Variants in ATP5F1C observed in about 807,000 individuals in gnomAD.
ATP5F1C encodes the protein ATP synthase F(1) complex subunit gamma, mitochondrial.
In ATP5F1C, 22 loss-of-function variants were observed where a neutral mutation model predicts 37.4. The observed-to-expected ratio is 0.59, with a 90% CI of 0.42 to 0.84. The LOEUF (loss-of-function observed/expected upper bound fraction) is 0.84. ATP5F1C is among the 40% of genes least tolerant of loss of function. The pLI, the probability that ATP5F1C is intolerant of heterozygous loss-of-function variation, is 0.00. For synonymous variants in ATP5F1C, 121 were observed against 128.0 expected (o/e 0.95, Z 0.37); for missense variants, 286 against 362.4 (o/e 0.79, Z 1.71).
At chr10:7,791,759 C>T (rs1836168005) in intron 1 of ATP5F1C, among the ~76,000 whole-genome samples, 1 of 152,214 alleles carries the variant, frequency 6.6e-6, no homozygotes, top group South Asian at 2.1e-4. Context: ...CATCACTGTT[C>T]TTACTCAAAT....
At chr10:7,792,322 C>T (rs1489950938) in intron 1 of ATP5F1C, among the ~76,000 whole-genome samples, 4 of 152,166 alleles carry the variant, frequency 2.6e-5, no homozygotes, top group Non-Finnish European at 5.9e-5. Flanking sequence ...GAAGTTGAGA[C>T]TGCAGGAAGC....
At chr10:7,793,476 T>G (rs1836193618) in intron 1 of ATP5F1C, among the ~76,000 whole-genome samples, 1 of 152,206 alleles carries the variant, frequency 6.6e-6, no homozygotes, top group Non-Finnish European at 1.5e-5. Flanking sequence ...TTATTTGGGT[T>G]GTTTGTTCTC....
intron 2 of ATP5F1C, 109 bp downstream of exon 2, chr10:7,796,264 C>T: frequency 1.1e-6 from 1 of 940,082 alleles, no homozygotes. Flanking sequence ...TTGATCAAAA[C>T]TGACCAAATG....
rs768165129 is a variant in ATP5F1C at position 7,799,082 on chromosome 10, A to G, written c.316A>G (p.Ile106Val). The G allele has an allele frequency of 6.2e-7, 1 of 1,613,598 alleles. No homozygotes were observed. Among genetic ancestry groups the G allele is most frequent in the Non-Finnish European group, 8.5e-7 (1 of 1,179,888 alleles). Residue 106 changes from isoleucine (I) to valine (V), a missense_variant, in exon 4 of 10, where the codon ATT becomes GTT. Coordinates refer to ENST00000356708, the MANE Select transcript of ATP5F1C (RefSeq NM_001001973.3). The stretch of plus-strand genomic sequence containing the variant: ...CTCAGATCGAGGACTGTGTGGTGCT[A>G]TTCATTCCTCCATTGCTAAACAGAT... ...VSSDRGLCGA[I>V]HSSIAKQMKS...
intron 8 of ATP5F1C, among the ~76,000 whole-genome samples, chr10:7,805,416 C>T (rs1836455108): frequency 6.6e-6 from 1 of 152,124 alleles, no homozygotes; most frequent in Non-Finnish European, 1.5e-5. Flanking sequence ...GATACAACTT[C>T]TGCAAAATTG....
chr10:7,798,447 C>T (rs893689392), intron 3 of ATP5F1C, among the ~76,000 whole-genome samples: 3 of 151,858 alleles, frequency 2.0e-5, no homozygotes, highest in African/African-American at 7.3e-5. Flanking sequence ...AGCTCTGTCT[C>T]CCGGGATGGA....
chr10:7,802,609 G>C (rs991761550), intron 7 of ATP5F1C, 149 bp from the exon 8 acceptor site: 10 of 1,076,320 alleles, frequency 9.3e-6, no homozygotes, highest in African/African-American at 1.6e-5. Flanking sequence ...TCCTATGGAA[G>C]ATGTAAAAAT....
chr10:7,807,086 T>C, intron 9 of ATP5F1C, 76 bp downstream of exon 9: 1 of 1,406,692 alleles, frequency 7.1e-7, no homozygotes. Flanking sequence ...AATTTAGTAA[T>C]CCTAGAATTG....
Position 7,807,679 on chromosome 10 carries a change from C to G in ATP5F1C, c.*51C>G, listed in dbSNP as rs773658919. 11 of 1,606,114 alleles carry G rather than the reference C, an allele frequency of 6.8e-6. No individual in the cohort carries two copies. Among genetic ancestry groups the G allele is most frequent in the Non-Finnish European group, 9.4e-6 (11 of 1,175,710 alleles). ...TTCAGGTAAAGAAGGAAAATTCAGC[C>G]AGTTGATTTTGTTTTTAGCTTACTG... is the stretch of plus-strand genomic sequence containing the variant. On this transcript the variant is annotated 3_prime_UTR_variant, in exon 10 of 10. Coordinates refer to ENST00000356708, the MANE Select transcript of ATP5F1C (RefSeq NM_001001973.3).
In ATP5F1C at chr10:7,807,024, A is replaced by G. The variant is rs777761249; in HGVS notation, c.*30+14A>G. ...CTCAGACAAGAGGTAAAGTTCACAC[A>G]TTCTTCCCATGTCTGTTCAGAAAAG... On this transcript the variant is annotated intron_variant, in intron 9 of 9. Transcript: ENST00000356708. 8 of 1,604,700 alleles carry G rather than the reference A, an allele frequency of 5.0e-6. No individual in the cohort carries two copies. The South Asian group carries it at 8.8e-5, about 18-fold the overall frequency.
chr10:7,803,955 A>G (rs1031887565), intron 8 of ATP5F1C, among the ~76,000 whole-genome samples: 3 of 152,154 alleles, frequency 2.0e-5, no homozygotes, highest in Non-Finnish European at 4.4e-5. Flanking sequence ...TCCTGGGTTC[A>G]AAAAGGTAAT....
chr10:7,796,487 C>A, intron 2 of ATP5F1C: 1 of 192,362 alleles, frequency 5.2e-6, no homozygotes, highest in Admixed American at 5.8e-5. Context: ...AGGCAACTTT[C>A]AATACCATTT....
intron 1 of ATP5F1C, among the ~76,000 whole-genome samples, chr10:7,791,102 C>A (rs1362206897): frequency 6.6e-6 from 1 of 152,058 alleles, no homozygotes; most frequent in Non-Finnish European, 1.5e-5. Flanking sequence ...GAGATCAAGA[C>A]CATACTGGCC....
At chr10:7,803,650 G>A (rs1195480672) in intron 8 of ATP5F1C, among the ~76,000 whole-genome samples, 2 of 152,178 alleles carry the variant, frequency 1.3e-5, no homozygotes, top group Non-Finnish European at 2.9e-5. Flanking sequence ...AAAAGGTTAA[G>A]ATAATGGGAA....
Position 7,799,817 on chromosome 10 carries a change from A to G in ATP5F1C, c.474A>G (p.Arg158=). The G allele has an allele frequency of 6.2e-7, 1 of 1,614,236 alleles. No individual in the cohort carries two copies. The highest frequency in any genetic ancestry group is 8.5e-7 in the Non-Finnish European group (1 of 1,180,044). ...TGGTGGCATTCAAAGAAGTGGGAAG[A>G]AAGCCCCCCACTTTTGGAGATGCGT... ...QFLVAFKEVG[R]KPPTFGDASV... Residue 158 remains arginine (R), a synonymous_variant, in exon 5 of 10, where the codon AGA becomes AGG. Coordinates refer to ENST00000356708, the MANE Select transcript of ATP5F1C (RefSeq NM_001001973.3).
chr10:7,802,373 T>A lies in ATP5F1C; in HGVS notation c.741T>A (p.Thr247=), dbSNP rs781436742. Residue 247 remains threonine (T), a synonymous_variant, in exon 7 of 10, where the codon ACT becomes ACA. Transcript: ENST00000356708. ...ACTACTCTCTGAAGGAGTCCACCAC[T>A]AGTGAGCAGAGTGCCAGGATGACAG... ...IIYYSLKEST[T]SEQSARMTAM... The A allele has an allele frequency of 2.5e-6, 4 of 1,613,962 alleles. No homozygotes were observed. In the East Asian group the frequency reaches 8.9e-5, roughly 36 times the overall value.
Position 7,788,228 on chromosome 10 carries a change from C to T in ATP5F1C, c.21C>T (p.Val7=), listed in dbSNP as rs758991568. The change falls in exon 1 of 10, where the codon GTC becomes GTT. Residue 7 remains valine, a synonymous_variant. Coordinates refer to ENST00000356708, the MANE Select transcript of ATP5F1C (RefSeq NM_001001973.3). Reference sequence around the variant, plus strand: ...CTACCATGTTCTCTCGCGCGGGTGTCGCTGGGCTGTCGGCCTGGACCTTGC... The same window carrying T: ...CTACCATGTTCTCTCGCGCGGGTGTTGCTGGGCTGTCGGCCTGGACCTTGC... MFSRAG[V]AGLSAWTLQP... is the part of the protein sequence containing the mutation. 12 of 1,613,434 alleles carry T rather than the reference C, an allele frequency of 7.4e-6. No homozygotes were observed. The highest frequency in any genetic ancestry group is 1.0e-5 in the Non-Finnish European group (12 of 1,179,930).
At chr10:7,788,759 C>A (rs950077067) in intron 1 of ATP5F1C, among the ~76,000 whole-genome samples, 4 of 151,946 alleles carry the variant, frequency 2.6e-5, no homozygotes, top group African/African-American at 9.7e-5. Context: ...AGTCAGAGAG[C>A]GCGGCCGTCG....
rs1836394526 is a variant in ATP5F1C, at chr10:7,802,744, TG to T, written c.794-13del. On this transcript the variant is annotated splice_polypyrimidine_tract_variant and intron_variant, in intron 7 of 9. Coordinates refer to ENST00000356708, the MANE Select transcript of ATP5F1C (RefSeq NM_001001973.3). Reference sequence around the variant, plus strand: ...TTTCAGATTTTTTATGTAGTGTTTTTGTTTTGTTTGTAGCTGAGATGATTGA... The same window carrying T: ...TTTCAGATTTTTTATGTAGTGTTTTTTTTTGTTTGTAGCTGAGATGATTGA... The T allele has an allele frequency of 3.1e-6, 5 of 1,608,500 alleles. No individual in the cohort carries two copies. Among genetic ancestry groups the T allele is most frequent in the Non-Finnish European group, 4.2e-6 (5 of 1,177,486 alleles).
Sources: allele counts gnomAD v4.1 joint callset (sites outside exome capture counted in the v4.1 genomes callset), GRCh38; gene constraint gnomAD v4.1.1; transcripts MANE v1.5; gene names NCBI Gene and HGNC (gene_info 2026-07-23, HGNC 2026-07-21).